The following CDH18 variants were observed in gnomAD, a reference collection of about 807,000 sequenced individuals.
CDH18 encodes cadherin-18.
A neutral mutation model predicts 67.9 loss-of-function variants in CDH18; 31 were observed. The observed-to-expected ratio is 0.46, with a 90% confidence interval of 0.34 to 0.62. The LOEUF is 0.62. Among genes scored for constraint, CDH18 ranks in the 20% least tolerant of loss-of-function variants. CDH18 has a pLI of 0.01. For synonymous variants in CDH18, 362 were observed against 347.2 expected (o/e 1.04, Z -0.48); for missense variants, 890 against 975.5 (o/e 0.91, Z 1.17).
intron 2 of CDH18, among the ~76,000 whole-genome samples, chr5:20,148,789 G>T (rs1337900411): frequency 6.6e-6 from 1 of 152,038 alleles, no homozygotes; most frequent in Non-Finnish European, 1.5e-5. Context: ...ATTGACTCAA[G>T]AACTCAGTTT....
chr5:19,996,163 A>C (rs1272901716), intron 2 of CDH18, among the ~76,000 whole-genome samples: 1 of 152,110 alleles, frequency 6.6e-6, no homozygotes, highest in Admixed American at 6.5e-5. Flanking sequence ...CCATTCACTA[A>C]AGTATAGTAA....
intron 8 of CDH18, among the ~76,000 whole-genome samples, chr5:19,571,342 T>C (rs1022590167): frequency 2.0e-5 from 3 of 152,120 alleles, no homozygotes; most frequent in African/African-American, 7.2e-5. Flanking sequence ...TTAAGTCAAA[T>C]GAAAAAATTA....
At chr5:20,289,678 A>G (rs1203252585) in intron 1 of CDH18, among the ~76,000 whole-genome samples, 1 of 151,886 alleles carries the variant, frequency 6.6e-6, no homozygotes, top group Non-Finnish European at 1.5e-5. Flanking sequence ...AACAAATAAA[A>G]TCTTAGAAGA....
intron 1 of CDH18, among the ~76,000 whole-genome samples, chr5:20,508,370 T>C (rs2126473357): frequency 7.0e-6 from 1 of 143,862 alleles, no homozygotes; most frequent in Admixed American, 7.0e-5. Context: ...TATATATGTA[T>C]ATTTATTTGG....
At chr5:20,043,980 C>A (rs1407713691) in intron 2 of CDH18, among the ~76,000 whole-genome samples, 1 of 152,116 alleles carries the variant, frequency 6.6e-6, no homozygotes, top group Non-Finnish European at 1.5e-5. Context: ...ACATATGCTC[C>A]TTCAATGATG....
intron 1 of CDH18, among the ~76,000 whole-genome samples, chr5:20,548,436 T>C (rs1368722975): frequency 7.7e-6 from 1 of 130,158 alleles, no homozygotes; most frequent in Admixed American, 8.1e-5. Flanking sequence ...ATAGAGAACA[T>C]GTTTGTGTGT....
At chr5:20,119,443 T>C (rs936801467) in intron 2 of CDH18, among the ~76,000 whole-genome samples, 12 of 152,184 alleles carry the variant, frequency 7.9e-5, no homozygotes, top group African/African-American at 2.9e-4. Flanking sequence ...TAAGCTTTAT[T>C]TGCAGTATAA....
chr5:19,803,102 C>G (rs1370991549), intron 3 of CDH18, among the ~76,000 whole-genome samples: 1 of 152,216 alleles, frequency 6.6e-6, no homozygotes, highest in African/African-American at 2.4e-5. Flanking sequence ...AGGTGATCTA[C>G]TGAACCATGC....
chr5:19,612,852 G>A (rs1749214963), intron 5 of CDH18, among the ~76,000 whole-genome samples: 1 of 151,992 alleles, frequency 6.6e-6, no homozygotes, highest in Non-Finnish European at 1.5e-5. Flanking sequence ...AAAGTAGATG[G>A]TCCCTCGGCC....
At chr5:20,273,992 G>T (rs1388809967) in intron 1 of CDH18, among the ~76,000 whole-genome samples, 2 of 152,132 alleles carry the variant, frequency 1.3e-5, no homozygotes, top group African/African-American at 2.4e-5. Flanking sequence ...AGTGGTGTCG[G>T]AAGAGAAGAG....
At chr5:20,224,604 T>C (rs924951108) in intron 2 of CDH18, among the ~76,000 whole-genome samples, 3 of 152,034 alleles carry the variant, frequency 2.0e-5, no homozygotes, top group African/African-American at 7.2e-5. Context: ...ATTGATTTCT[T>C]ATTTTCTGCT....
At chr5:19,690,963 C>T (rs569997879) in intron 5 of CDH18, among the ~76,000 whole-genome samples, 1 of 151,768 alleles carries the variant, frequency 6.6e-6, no homozygotes, top group South Asian at 2.1e-4. Context: ...TAGAAAATGA[C>T]ACAATAACAA....
chr5:19,571,848 AT>A lies in CDH18; in HGVS notation c.1000-17del. The A allele has an allele frequency of 6.3e-7, 1 of 1,593,370 alleles. No individual in the cohort carries two copies. Among genetic ancestry groups the A allele is most frequent in the Non-Finnish European group, 8.6e-7 (1 of 1,165,954 alleles). On this transcript the variant is annotated splice_polypyrimidine_tract_variant and intron_variant, in intron 7 of 12. Coordinates refer to ENST00000382275, the MANE Select transcript of CDH18 (RefSeq NM_004934.5). ...AGTTCAGTGGCTGTGGGGAAAAAAA[AT>A]AAGATTATGACTTTTATAAAAAAAG...
intron 3 of CDH18, among the ~76,000 whole-genome samples, chr5:19,773,069 A>C (rs187543485): frequency 2.6e-5 from 4 of 152,260 alleles, no homozygotes; most frequent in African/African-American, 9.6e-5. Context: ...TTTTATATAG[A>C]TATTACCTAC....
intron 1 of CDH18, among the ~76,000 whole-genome samples, chr5:20,517,382 G>T (rs999170269): frequency 6.6e-6 from 1 of 151,570 alleles, no homozygotes; most frequent in African/African-American, 2.4e-5. Context: ...AAAGACAGAT[G>T]TTATGACAAA....
intron 2 of CDH18, among the ~76,000 whole-genome samples, chr5:20,252,692 C>CT (rs1293650992): frequency 6.6e-6 from 1 of 152,016 alleles, no homozygotes; most frequent in African/African-American, 2.4e-5. Flanking sequence ...AATCCCAACA[C>CT]TTTAAGAGGC....
At chr5:19,686,853 T>C (rs1287561153) in intron 5 of CDH18, among the ~76,000 whole-genome samples, 1 of 152,116 alleles carries the variant, frequency 6.6e-6, no homozygotes, top group East Asian at 1.9e-4. Flanking sequence ...TATATGCTAG[T>C]ATTGAGAATT....
chr5:20,467,120 G>T (rs1174687550), intron 1 of CDH18, among the ~76,000 whole-genome samples: 1 of 151,964 alleles, frequency 6.6e-6, no homozygotes, highest in Admixed American at 6.6e-5. Flanking sequence ...TAACTATATG[G>T]TTCAATATGA....
At chr5:19,700,113 A>T (rs1763045002) in intron 5 of CDH18, among the ~76,000 whole-genome samples, 1 of 152,168 alleles carries the variant, frequency 6.6e-6, no homozygotes, top group South Asian at 2.1e-4. Context: ...ATTTTTGTAA[A>T]GTAGCAATCA....
Sources: allele counts gnomAD v4.1 joint callset (sites outside exome capture counted in the v4.1 genomes callset), GRCh38; gene constraint gnomAD v4.1.1; transcripts MANE v1.5; gene names NCBI Gene and HGNC (gene_info 2026-07-23, HGNC 2026-07-21).